ZNF695: variants seen among roughly 807,000 people sequenced by gnomAD.
ZNF695 encodes the protein zinc finger protein 695.
Under a neutral mutation model 11.2 loss-of-function variants are expected in ZNF695, and 11 were observed. That is an observed-to-expected ratio of 0.98 (90% confidence interval 0.62 to 1.62). The LOEUF (loss-of-function observed/expected upper bound fraction) is 1.62, where lower values mean the gene tolerates loss of function less well. ZNF695 is among the 40% of genes most tolerant of loss of function. ZNF695 has a pLI of 0.00. For synonymous variants in ZNF695, 190 were observed against 201.4 expected (o/e 0.94, Z 0.48); for missense variants, 559 against 590.5 (o/e 0.95, Z 0.55).
At chr1:246,965,542 G>C (rs1337013757) in intron 5 of ZNF695, among the ~76,000 whole-genome samples, 1 of 151,890 alleles carries the variant, frequency 6.6e-6, no homozygotes, top group Admixed American at 6.6e-5. Context: ...TTCAAGACCA[G>C]CCTGGCCAAC....
chr1:247,003,509 A>C (rs1669449403), intron 1 of ZNF695, among the ~76,000 whole-genome samples: 1 of 152,238 alleles, frequency 6.6e-6, no homozygotes, highest in Admixed American at 6.5e-5. Flanking sequence ...TATCTGCGTA[A>C]TGAAATAAAT....
At chr1:246,952,726 T>C (rs1667896878) in intron 5 of ZNF695, among the ~76,000 whole-genome samples, 1 of 151,940 alleles carries the variant, frequency 6.6e-6, no homozygotes, top group Admixed American at 6.6e-5. Context: ...CTTCCTTTAT[T>C]CTCCATATTT....
intron 4 of ZNF695, among the ~76,000 whole-genome samples, chr1:246,977,875 T>G (rs891304042): frequency 4.6e-5 from 7 of 152,202 alleles, no homozygotes; most frequent in African/African-American, 1.7e-4. Context: ...GTCATTGTGC[T>G]CAAGCTCACT....
In ZNF695 at chr1:246,988,080, G is replaced by T. The variant is rs758752023; in HGVS notation, c.435C>A (p.Asp145Glu). The change falls in exon 4 of 4, where the codon GAC (aspartate) becomes GAA (glutamate). Residue 145 changes from aspartate to glutamate, a missense_variant. Physicochemically the swap from Asp to Glu is conservative, Grantham distance 45. Coordinates refer to ENST00000339986, the MANE Select transcript of ZNF695 (RefSeq NM_020394.5). ...TGCTATGAGTAGTTGCTGAGCATAG[G>T]TCAAGTCCATTATAACTTGCCTTCT... ...KGQKASYNGL[D>E]LCSATTHSKN... 8 of 1,612,742 alleles carry T rather than the reference G, an allele frequency of 5.0e-6. No individual in the cohort carries two copies. The highest frequency in any genetic ancestry group is 6.8e-6 in the Non-Finnish European group (8 of 1,179,590).
At chr1:247,006,080 C>T (rs1020406900) in intron 1 of ZNF695, among the ~76,000 whole-genome samples, 2 of 151,870 alleles carry the variant, frequency 1.3e-5, no homozygotes, top group South Asian at 2.1e-4. Context: ...CAAAAATTAG[C>T]CAGGCATAGT....
downstream of ZNF695, among the ~76,000 whole-genome samples, chr1:246,983,295 G>A (rs1263957832): frequency 1.3e-5 from 2 of 151,932 alleles, no homozygotes; most frequent in Non-Finnish European, 2.9e-5. Context: ...GAGGTAGGGG[G>A]GTTGCTTGAG....
chr1:246,968,620 G>A (rs1668347055), intron 4 of ZNF695: 1 of 152,270 alleles, frequency 6.6e-6, no homozygotes. Flanking sequence ...CAGTACCCTA[G>A]TAGAGGTTCT....
chr1:246,996,622 C>T (rs116248846), intron 3 of ZNF695, among the ~76,000 whole-genome samples: 3,113 of 152,242 alleles, frequency 0.02, 112 homozygotes, highest in African/African-American at 0.072. Flanking sequence ...GATGAATCTT[C>T]AAGAAAAGCC....
chr1:246,997,115 C>T (rs1475460448), intron 3 of ZNF695, among the ~76,000 whole-genome samples: 2 of 65,274 alleles, frequency 3.1e-5, no homozygotes, highest in Admixed American at 2.3e-4. Context: ...ATAATCCCAC[C>T]ATTTTGAGAG....
intron 3 of ZNF695, among the ~76,000 whole-genome samples, chr1:246,997,105 A>G (rs1187854232): frequency 1.6e-5 from 2 of 122,174 alleles, no homozygotes; most frequent in African/African-American, 6.3e-5. Context: ...GCTCATGCCT[A>G]TAATCCCACC....
intron 5 of ZNF695, among the ~76,000 whole-genome samples, chr1:246,949,505 C>T (rs1268622712): frequency 6.6e-6 from 1 of 151,530 alleles, no homozygotes; most frequent in African/African-American, 2.4e-5. Flanking sequence ...GCAGGAGACT[C>T]GCTTGAACCC....
At chr1:246,983,440 G>A (rs543491084), downstream of ZNF695, among the ~76,000 whole-genome samples, 52 of 152,236 alleles carry the variant, frequency 3.4e-4, no homozygotes, top group African/African-American at 1.3e-3. Flanking sequence ...AGGATAACCT[G>A]AGCCTGGGAG....
chr1:246,956,812 G>A (rs1306617740), intron 5 of ZNF695, among the ~76,000 whole-genome samples: 7 of 152,106 alleles, frequency 4.6e-5, no homozygotes, highest in Non-Finnish European at 1.0e-4. Context: ...CTCCTAAAGT[G>A]CTAGGATTAC....
At chr1:246,990,450 A>T (rs1668998556) in intron 3 of ZNF695, among the ~76,000 whole-genome samples, 3 of 152,210 alleles carry the variant, frequency 2.0e-5, no homozygotes, top group African/African-American at 7.2e-5. Flanking sequence ...ATCCAACACC[A>T]GAGTACCCAG....
intron 4 of ZNF695, chr1:246,969,119 T>G (rs909781158): frequency 2.6e-5 from 4 of 152,274 alleles, no homozygotes; most frequent in African/African-American, 9.6e-5. Flanking sequence ...ATGGCTAGGC[T>G]GCACATTTCC....
downstream of ZNF695, chr1:246,985,284 T>C (rs1055373151): frequency 2.0e-6 from 2 of 983,930 alleles, no homozygotes; most frequent in Non-Finnish European, 2.4e-6. Flanking sequence ...GTAAATAAAA[T>C]TTTGTGAATA....
chr1:246,983,064 T>A, downstream of ZNF695, among the ~76,000 whole-genome samples: 1 of 151,194 alleles, frequency 6.6e-6, no homozygotes, highest in East Asian at 2.0e-4. Context: ...ATTAGCCGGG[T>A]GTGGTGGCGG....
chr1:246,979,384 T>G (rs1443081355), intron 4 of ZNF695, among the ~76,000 whole-genome samples: 1 of 152,108 alleles, frequency 6.6e-6, no homozygotes, highest in African/African-American at 2.4e-5. Flanking sequence ...ATTCCGTTTG[T>G]CATAGCCAGG....
exon 6 of ZNF695, chr1:246,945,758 G>A: frequency 6.5e-7 from 1 of 1,550,074 alleles, no homozygotes; most frequent in Non-Finnish European, 8.7e-7. Context: ...GGGAGTCCAG[G>A]CACTGTGTTC....
Sources: allele counts gnomAD v4.1 joint callset (sites outside exome capture counted in the v4.1 genomes callset), GRCh38; gene constraint gnomAD v4.1.1; transcripts MANE v1.5; gene names NCBI Gene and HGNC (gene_info 2026-07-23, HGNC 2026-07-21).